The following NXPE2 variants were observed in gnomAD, a reference collection of about 807,000 sequenced individuals.
The protein encoded by NXPE2 is neurexophilin and PC-esterase domain family member 2, also known as NXPE family member 2.
A neutral mutation model predicts 34.4 loss-of-function variants in NXPE2; 34 were observed. That is an observed-to-expected ratio of 0.99 (90% CI 0.75 to 1.31). The LOEUF (loss-of-function observed/expected upper bound fraction) is 1.31. Among genes scored for constraint, NXPE2 ranks in the 40% most tolerant of loss-of-function variants. The pLI is 0.00. For missense variants in NXPE2, 649 were observed against 672.5 expected, an observed-to-expected ratio of 0.97 and a Z score of 0.39; for synonymous variants, 235 against 231.3, an observed-to-expected ratio of 1.02 and a Z score of -0.15.
chr11:114,585,545 GTAA>G, the NXPE2 span, among the ~76,000 whole-genome samples: 5 of 151,940 alleles, frequency 3.3e-5, no homozygotes, highest in African/African-American at 4.8e-5. Flanking sequence ...AGGTCATTAT[GTAA>G]TAATAAAGAG....
At chr11:114,580,069 C>T in the NXPE2 span, 2 of 1,345,472 alleles carry the variant, frequency 1.5e-6, no homozygotes, top group Admixed American at 3.4e-5. Flanking sequence ...TTCCCTTCTC[C>T]CCTTTGAAAT....
chr11:114,495,727 G>A, the NXPE2 span, among the ~76,000 whole-genome samples: 79 of 152,174 alleles, frequency 5.2e-4, no homozygotes, highest in Non-Finnish European at 8.7e-4. Flanking sequence ...GTTAGTAGAC[G>A]ATGAATTTCA....
At chr11:114,765,209 C>A in the NXPE2 span, among the ~76,000 whole-genome samples, 2 of 152,178 alleles carry the variant, frequency 1.3e-5, no homozygotes, top group Admixed American at 1.3e-4. Flanking sequence ...ATCCCAATCT[C>A]ATTTTTCATA....
the NXPE2 span, among the ~76,000 whole-genome samples, chr11:114,738,522 C>T: frequency 1.3e-5 from 2 of 152,154 alleles, no homozygotes; most frequent in South Asian, 4.1e-4. Context: ...TGTTTTTCCT[C>T]TTTAGGCCAA....
the NXPE2 span, among the ~76,000 whole-genome samples, chr11:114,568,633 A>G: frequency 1.3e-5 from 2 of 152,174 alleles, no homozygotes; most frequent in East Asian, 1.9e-4. Flanking sequence ...CATAAGATCT[A>G]GCTCCTGCTT....
At chr11:114,687,696 A>T (rs1951074277) in intron 2 of NXPE2, among the ~76,000 whole-genome samples, 1 of 152,206 alleles carries the variant, frequency 6.6e-6, no homozygotes, top group Non-Finnish European at 1.5e-5. Context: ...TTTGGGCAGT[A>T]TGGACATTTA....
chr11:114,657,576 C>T, the NXPE2 span, among the ~76,000 whole-genome samples: 11 of 151,628 alleles, frequency 7.3e-5, no homozygotes, highest in Non-Finnish European at 1.5e-4. Flanking sequence ...TATTTAATGT[C>T]GTATAATAGG....
At chr11:114,710,781 A>T (rs1034323471), downstream of NXPE2, among the ~76,000 whole-genome samples, 2 of 152,128 alleles carry the variant, frequency 1.3e-5, no homozygotes, top group African/African-American at 4.8e-5. Flanking sequence ...CAAGACAAAG[A>T]CAAGAAAAGA....
the NXPE2 span, among the ~76,000 whole-genome samples, chr11:114,733,003 G>A: frequency 6.6e-6 from 1 of 151,900 alleles, no homozygotes; most frequent in African/African-American, 2.4e-5. Flanking sequence ...TTAATTAATT[G>A]TTCAGTTTGC....
chr11:114,651,029 T>G, the NXPE2 span, among the ~76,000 whole-genome samples: 3 of 152,076 alleles, frequency 2.0e-5, no homozygotes, highest in African/African-American at 7.2e-5. Flanking sequence ...GAATTTGAAG[T>G]CTGTGGTACA....
chr11:114,754,917 G>A, the NXPE2 span, among the ~76,000 whole-genome samples: 1 of 152,160 alleles, frequency 6.6e-6, no homozygotes, highest in Non-Finnish European at 1.5e-5. Context: ...TGTCAATGAT[G>A]TGGAAATATT....
the NXPE2 span, among the ~76,000 whole-genome samples, chr11:114,740,543 C>CT: frequency 1.9e-4 from 29 of 151,300 alleles, no homozygotes; most frequent in Admixed American, 9.2e-4. Context: ...ACTCTCTATG[C>CT]TTTTTTTAAA....
chr11:114,585,609 G>A, the NXPE2 span, among the ~76,000 whole-genome samples: 26,870 of 151,708 alleles, frequency 0.18, 2,707 homozygotes, highest in South Asian at 0.22. Context: ...GTGTGTGTGT[G>A]TATATATATG....
the NXPE2 span, among the ~76,000 whole-genome samples, chr11:114,610,473 G>C: frequency 6.6e-6 from 1 of 151,550 alleles, no homozygotes; most frequent in South Asian, 2.1e-4. Flanking sequence ...TGTTTCTAGG[G>C]TAACCACTGT....
At chr11:114,547,136 G>A in the NXPE2 span, among the ~76,000 whole-genome samples, 215 of 152,214 alleles carry the variant, frequency 1.4e-3, no homozygotes, top group African/African-American at 4.8e-3. Flanking sequence ...TAAAGAGCAG[G>A]GTGGGGCAGA....
the NXPE2 span, among the ~76,000 whole-genome samples, chr11:114,803,570 GTC>G: frequency 8.5e-3 from 1,235 of 145,020 alleles, 3 homozygotes; most frequent in South Asian, 0.018. Flanking sequence ...ACTCCCTCAG[GTC>G]TCTCTCTCTC....
the NXPE2 span, among the ~76,000 whole-genome samples, chr11:114,769,662 G>A: frequency 6.6e-6 from 1 of 152,116 alleles, no homozygotes; most frequent in Non-Finnish European, 1.5e-5. Flanking sequence ...TCCTTTGCAA[G>A]GACATGGATG....
intron 4 of NXPE2, 36 bp downstream of exon 4, chr11:114,704,088 A>G: frequency 7.0e-7 from 1 of 1,433,984 alleles, no homozygotes; most frequent in Non-Finnish European, 9.6e-7. Context: ...CATGATCACA[A>G]TTTATCCACG....
chr11:114,726,187 T>G, the NXPE2 span, among the ~76,000 whole-genome samples: 1 of 151,828 alleles, frequency 6.6e-6, no homozygotes, highest in African/African-American at 2.4e-5. Flanking sequence ...GATATTGTTC[T>G]TCTGTTTTCT....
Sources: allele counts gnomAD v4.1 joint callset (sites outside exome capture counted in the v4.1 genomes callset), GRCh38; gene constraint gnomAD v4.1.1; transcripts MANE v1.5; gene names NCBI Gene and HGNC (gene_info 2026-07-23, HGNC 2026-07-21).